The following CHRNA7 variants were observed in gnomAD, a reference collection of about 807,000 sequenced individuals.
The protein encoded by CHRNA7 is cholinergic receptor nicotinic alpha 7 subunit.
A neutral mutation model predicts 48.0 loss-of-function variants in CHRNA7; 17 were observed. The observed-to-expected ratio is 0.35, with a 90% CI of 0.24 to 0.53. The LOEUF (loss-of-function observed/expected upper bound fraction) is 0.53, where lower values mean the gene tolerates loss of function less well. Among genes scored for constraint, CHRNA7 ranks in the 20% least tolerant of loss-of-function variants. The pLI is 0.92. For synonymous variants in CHRNA7, 75 were observed against 242.3 expected (o/e 0.31, Z 6.41); for missense variants, 155 against 577.7 (o/e 0.27, Z 7.50).
intron 4 of CHRNA7, among the ~76,000 whole-genome samples, chr15:32,137,081 A>AATCC (rs534121505): frequency 0.01 from 1,548 of 151,424 alleles, 19 homozygotes; most frequent in Non-Finnish European, 0.017. Context: ...ACCTAAATGC[A>AATCC]ATCCAAGGAG....
chr15:32,094,068 G>A (rs7177126), intron 2 of CHRNA7, among the ~76,000 whole-genome samples: 151,523 of 152,292 alleles, frequency 0.99, 75,385 homozygotes, highest in Middle Eastern at 1. Flanking sequence ...CATTTCCTCT[G>A]TTTGTCAGGT....
chr15:32,109,332 G>A (rs1468179088), intron 3 of CHRNA7, among the ~76,000 whole-genome samples: 2 of 152,186 alleles, frequency 1.3e-5, no homozygotes, highest in Non-Finnish European at 1.5e-5. Flanking sequence ...TCTTGGTTTT[G>A]GTGGGATTCA....
intron 2 of CHRNA7, among the ~76,000 whole-genome samples, chr15:32,055,910 C>T (rs192706924): frequency 6.6e-5 from 10 of 151,820 alleles, no homozygotes; most frequent in South Asian, 2.1e-4. Flanking sequence ...ACCCGGGAGG[C>T]GGAGCTTGCA....
At chr15:32,147,129 C>T (rs1348074374) in intron 4 of CHRNA7, among the ~76,000 whole-genome samples, 2 of 152,174 alleles carry the variant, frequency 1.3e-5, no homozygotes, top group Non-Finnish European at 2.9e-5. Context: ...TATAATATCC[C>T]ATGTTACATT....
intron 4 of CHRNA7, among the ~76,000 whole-genome samples, chr15:32,125,194 A>G (rs1172959094): frequency 6.6e-6 from 1 of 152,258 alleles, no homozygotes; most frequent in Non-Finnish European, 1.5e-5. Flanking sequence ...TTAAGAAAGA[A>G]GACAATAGCT....
At chr15:32,084,456 A>G (rs368975778) in intron 2 of CHRNA7, among the ~76,000 whole-genome samples, 1 of 152,236 alleles carries the variant, frequency 6.6e-6, no homozygotes, top group Non-Finnish European at 1.5e-5. Flanking sequence ...ATGAGCACAT[A>G]CAGTCTCAGA....
At chr15:32,148,233 C>G (rs2051533293) in intron 4 of CHRNA7, among the ~76,000 whole-genome samples, 1 of 152,144 alleles carries the variant, frequency 6.6e-6, no homozygotes, top group African/African-American at 2.4e-5. Flanking sequence ...TTCATCTTTA[C>G]CTGAATGCAG....
chr15:32,126,343 T>C (rs1324352692), intron 4 of CHRNA7, among the ~76,000 whole-genome samples: 1 of 152,212 alleles, frequency 6.6e-6, no homozygotes, highest in Non-Finnish European at 1.5e-5. Context: ...AGGTAGCATC[T>C]GAGTTTGTAG....
chr15:32,088,671 G>T (rs539988247), intron 2 of CHRNA7, among the ~76,000 whole-genome samples: 1 of 152,258 alleles, frequency 6.6e-6, no homozygotes, highest in East Asian at 1.9e-4. Context: ...ACATGTCCAT[G>T]ATAACATGAT....
rs149898877 is a variant in CHRNA7, at chr15:32,036,548, C to A, written c.195+5511C>A. ...TGGATGTACCATTTTACATTCTCACCAGCAATGAATGAGAGCCCCTGTTGC... is the reference window on the plus strand; with the variant it reads ...TGGATGTACCATTTTACATTCTCACAAGCAATGAATGAGAGCCCCTGTTGC... On this transcript the variant is annotated intron_variant, in intron 2 of 9. Transcript: ENST00000306901. Among the ~76,000 whole-genome samples the A allele has an allele frequency of 4.8e-3, 732 of 152,282 alleles. 9 individuals carry two copies. The highest frequency in any genetic ancestry group is 0.027 in the East Asian group (142 of 5,184).
chr15:32,123,528 A>G (rs1305021385), intron 4 of CHRNA7, among the ~76,000 whole-genome samples: 1 of 152,208 alleles, frequency 6.6e-6, no homozygotes, highest in African/African-American at 2.4e-5. Flanking sequence ...GAGATTAAAC[A>G]GATAGGGAAA....
chr15:32,134,956 C>CA, intron 4 of CHRNA7, among the ~76,000 whole-genome samples: 1 of 152,346 alleles, frequency 6.6e-6, no homozygotes. Context: ...TACGGTCGTG[C>CA]AATAATATCC....
chr15:32,088,180 A>G (rs2050328811), intron 2 of CHRNA7, among the ~76,000 whole-genome samples: 2 of 152,218 alleles, frequency 1.3e-5, no homozygotes, highest in Admixed American at 1.3e-4. Context: ...TTTTATTGGA[A>G]TGATACAATA....
intron 2 of CHRNA7, among the ~76,000 whole-genome samples, chr15:32,055,969 ACT>A (rs1193420325): frequency 6.6e-6 from 1 of 151,004 alleles, no homozygotes; most frequent in Non-Finnish European, 1.5e-5. Context: ...ACAGAGCGAG[ACT>A]CTGTATCAAA....
intron 4 of CHRNA7, among the ~76,000 whole-genome samples, chr15:32,138,658 C>A (rs920855972): frequency 1.6e-4 from 25 of 152,144 alleles, no homozygotes; most frequent in Non-Finnish European, 1.5e-5. Flanking sequence ...AGCTTCACTG[C>A]CCTAAAAATC....
At chr15:32,062,683 A>G (rs988835669) in intron 2 of CHRNA7, among the ~76,000 whole-genome samples, 1 of 152,142 alleles carries the variant, frequency 6.6e-6, no homozygotes, top group African/African-American at 2.4e-5. Context: ...TGAGTATTCT[A>G]TGACCCAGTT....
intron 2 of CHRNA7, among the ~76,000 whole-genome samples, chr15:32,086,412 A>G (rs971528011): frequency 5.3e-5 from 8 of 150,798 alleles, no homozygotes; most frequent in East Asian, 1.9e-4. Flanking sequence ...TTATTTTTCA[A>G]GTTTACTTTA....
At chr15:32,167,502 A>G (rs2052231531) in intron 9 of CHRNA7, 3 of 169,752 alleles carry the variant, frequency 1.8e-5, no homozygotes, top group East Asian at 1.8e-4. Flanking sequence ...AAAATGTACA[A>G]CCTCCCCCAG....
intron 2 of CHRNA7, among the ~76,000 whole-genome samples, chr15:32,088,497 G>A (rs1415630057): frequency 6.6e-6 from 1 of 152,172 alleles, no homozygotes; most frequent in Non-Finnish European, 1.5e-5. Context: ...AGTTTTGTAA[G>A]AAACCGCCAA....
Sources: allele counts gnomAD v4.1 joint callset (sites outside exome capture counted in the v4.1 genomes callset), GRCh38; gene constraint gnomAD v4.1.1; transcripts MANE v1.5; gene names NCBI Gene and HGNC (gene_info 2026-07-23, HGNC 2026-07-21).